AGPAT4: variants seen among roughly 807,000 people sequenced by gnomAD.
AGPAT4 encodes the protein 1-acylglycerol-3-phosphate O-acyltransferase 4.
In AGPAT4, 15 loss-of-function variants were observed where a neutral mutation model predicts 48.0. The ratio of observed to expected loss-of-function variants is 0.31; its 90% CI spans 0.21 to 0.48. AGPAT4 has a LOEUF of 0.48. Ranked by LOEUF, AGPAT4 falls within the 20% of genes least tolerant of loss-of-function variation. The pLI is 0.99. For missense variants in AGPAT4, 314 were observed against 482.5 expected (o/e 0.65, Z 3.27); for synonymous variants, 178 against 198.7 (o/e 0.90, Z 0.88).
rs1207121822 is a variant in AGPAT4, at chr6:161,195,402, T to C, written c.179-28985A>G. Among the ~76,000 whole-genome samples the C allele has an allele frequency of 6.6e-6, 1 of 152,222 alleles. No individual in the cohort carries two copies. Among genetic ancestry groups the C allele is most frequent in the African/African-American group, 2.4e-5 (1 of 41,462 alleles). ...TATAAACACCTTTCATTATATGGCA[T>C]GACCTGCAAGGAATGCTTCCATCAT... On this transcript the variant is annotated intron_variant, in intron 2 of 8. Transcript: ENST00000320285. The surrounding 1 kb of genome is among the most constrained non-coding windows in gnomAD (Gnocchi z 5.0).
chr6:161,224,703 G>A (rs1781925559), intron 2 of AGPAT4, among the ~76,000 whole-genome samples: 1 of 150,866 alleles, frequency 6.6e-6, no homozygotes, highest in African/African-American at 2.4e-5. Context: ...CAGGACAGTA[G>A]CTGCCTTTGC....
intron 2 of AGPAT4, among the ~76,000 whole-genome samples, chr6:161,172,749 T>C (rs909616365): frequency 3.9e-5 from 6 of 152,160 alleles, no homozygotes. Flanking sequence ...ACCCATCAAC[T>C]AGTCATTTAC....
chr6:161,162,551 C>A (rs951705346), intron 3 of AGPAT4, among the ~76,000 whole-genome samples: 1 of 152,198 alleles, frequency 6.6e-6, no homozygotes, highest in South Asian at 2.1e-4. Context: ...AAGCCCCTCC[C>A]GAGAGACCCT....
intron 5 of AGPAT4, among the ~76,000 whole-genome samples, chr6:161,151,494 C>T (rs1014703906): frequency 2.0e-4 from 30 of 152,204 alleles, no homozygotes; most frequent in African/African-American, 6.5e-4. Flanking sequence ...GAGGGGGACA[C>T]GTAGCCCTGC....
intron 2 of AGPAT4, among the ~76,000 whole-genome samples, chr6:161,191,194 C>A (rs184451383): frequency 6.6e-6 from 1 of 152,142 alleles, no homozygotes; most frequent in East Asian, 1.9e-4. Flanking sequence ...ACTTGACAGA[C>A]GAGAACACCA....
In AGPAT4 at chr6:161,138,056, T is replaced by C. The variant is rs960287826; in HGVS notation, c.1042+1366A>G. Among the ~76,000 whole-genome samples the C allele has an allele frequency of 6.6e-6, 1 of 152,174 alleles. No homozygotes were observed. The highest frequency in any genetic ancestry group is 2.4e-5 in the African/African-American group (1 of 41,454). ...TGTGTGCCTTGCTGTTGCCTGCTATTGAAGCAGAAGGGTTGAGCTTGCCCC... is the reference window on the plus strand; with the variant it reads ...TGTGTGCCTTGCTGTTGCCTGCTATCGAAGCAGAAGGGTTGAGCTTGCCCC... On this transcript the variant is annotated intron_variant, in intron 8 of 8. Coordinates refer to ENST00000320285, the MANE Select transcript of AGPAT4 (RefSeq NM_020133.3). This position sits in a 1 kb window ranked among gnomAD's most constrained non-coding sequence, Gnocchi z 4.8.
At chr6:161,191,693 A>T (rs1426385733) in intron 2 of AGPAT4, among the ~76,000 whole-genome samples, 1 of 152,224 alleles carries the variant, frequency 6.6e-6, no homozygotes, top group African/African-American at 2.4e-5. Flanking sequence ...TTGTGGACTG[A>T]CATTTAAAAT....
rs12191615 is a variant in AGPAT4, at chr6:161,144,126, T to C, written c.843+2398A>G. ...GATACAGAAAGGAATTGTCCCTTGA[T>C]GTCTATTCACCACTCTGCTTGGAGA... On this transcript the variant is annotated intron_variant, in intron 7 of 8. Transcript: ENST00000320285. The surrounding 1 kb of genome is among the most constrained non-coding windows in gnomAD (Gnocchi z 6.6). 58,078 of 533,166 alleles carry C rather than the reference T, an allele frequency of 0.11. 3,694 individuals carry two copies. Among genetic ancestry groups the C allele is most frequent in the African/African-American group, 0.21 (10,902 of 51,982 alleles). 33.0% of individuals were successfully genotyped at this position (533,166 alleles called of 1,614,324 possible). A position where few individuals can be genotyped will look rare whatever the true frequency, so the allele number is the denominator to read the frequency against.
At chr6:161,175,134 C>A (rs989156302) in intron 2 of AGPAT4, among the ~76,000 whole-genome samples, 1 of 152,122 alleles carries the variant, frequency 6.6e-6, no homozygotes, top group African/African-American at 2.4e-5. Flanking sequence ...CTCTGCCAGG[C>A]TTTGGTATCA....
chr6:161,184,088 T>C lies in AGPAT4; in HGVS notation c.179-17671A>G, dbSNP rs966460596. The stretch of plus-strand genomic sequence containing the variant: ...CCACAAAGGGATTGGTTTTGCCCAC[T>C]GGTGTACATCCAGTGCCTGGAACTG... On this transcript the variant is annotated intron_variant, in intron 2 of 8. Transcript: ENST00000320285. This position sits in a 1 kb window ranked among gnomAD's most constrained non-coding sequence, Gnocchi z 4.8. Among the ~76,000 whole-genome samples the C allele has an allele frequency of 6.6e-6, 1 of 152,112 alleles. No homozygotes were observed. Among genetic ancestry groups the C allele is most frequent in the Non-Finnish European group, 1.5e-5 (1 of 68,018 alleles).
At chr6:161,199,011 A>G (rs182561993) in intron 2 of AGPAT4, among the ~76,000 whole-genome samples, 2 of 152,216 alleles carry the variant, frequency 1.3e-5, no homozygotes, top group Admixed American at 1.3e-4. Context: ...GGGACAGATT[A>G]CGTATACTAA....
At chr6:161,167,548 C>T (rs532700993) in intron 2 of AGPAT4, among the ~76,000 whole-genome samples, 34 of 152,276 alleles carry the variant, frequency 2.2e-4, no homozygotes, top group African/African-American at 7.7e-4. Context: ...TTTAATCACT[C>T]GTTAGTGAAG....
rs1470674567 is a variant in AGPAT4, at chr6:161,206,995, AAT to A, written c.178+25039_178+25040del. 6.6e-6 allele frequency among the ~76,000 whole-genome samples: 1 copy of A among 152,228 alleles called. No individual in the cohort carries two copies. The highest frequency in any genetic ancestry group is 1.5e-5 in the Non-Finnish European group (1 of 68,046). The stretch of plus-strand genomic sequence containing the variant: ...GGACAACAGAGAAAATAGGCTGAAA[AAT>A]AGTCCTTTCAGTTATCTAATGGAAT... On this transcript the variant is annotated intron_variant, in intron 2 of 8. Coordinates refer to ENST00000320285, the MANE Select transcript of AGPAT4 (RefSeq NM_020133.3). This position sits in a 1 kb window ranked among gnomAD's most constrained non-coding sequence, Gnocchi z 4.8.
At chr6:161,185,679 G>C (rs1448604194) in intron 2 of AGPAT4, among the ~76,000 whole-genome samples, 2 of 151,966 alleles carry the variant, frequency 1.3e-5, no homozygotes, top group Admixed American at 1.3e-4. Context: ...CAAGAAACAA[G>C]TTGCCTCTTC....
In AGPAT4 at chr6:161,178,831, GCTCT is replaced by G. The variant is rs1780503965; in HGVS notation, c.179-12418_179-12415del. Among the ~76,000 whole-genome samples, 1 of 152,184 alleles carries G rather than the reference GCTCT, an allele frequency of 6.6e-6. No homozygotes were observed. The highest frequency in any genetic ancestry group is 2.1e-4 in the South Asian group (1 of 4,828). On this transcript the variant is annotated intron_variant, in intron 2 of 8. Coordinates refer to ENST00000320285, the MANE Select transcript of AGPAT4 (RefSeq NM_020133.3). The surrounding 1 kb of genome is among the most constrained non-coding windows in gnomAD (Gnocchi z 5.1). The stretch of plus-strand genomic sequence containing the variant: ...TTGCAGATGTTGTTTTGACTGTGCT[GCTCT>G]CTGAGGGCTCAGTGAATGCCATCTC...
chr6:161,192,345 TC>T (rs899770763), intron 2 of AGPAT4, among the ~76,000 whole-genome samples: 25 of 152,146 alleles, frequency 1.6e-4, no homozygotes, highest in African/African-American at 4.6e-4. Context: ...GAAACGGGGT[TC>T]CCCCATGTTG....
chr6:161,186,957 T>G (rs548202385), intron 2 of AGPAT4, among the ~76,000 whole-genome samples: 12 of 152,210 alleles, frequency 7.9e-5, no homozygotes, highest in Non-Finnish European at 1.6e-4. Context: ...GTCTCTCTCT[T>G]CAACTCGCCT....
rs1778873317 is a variant in AGPAT4 at position 161,130,702 on chromosome 6, CCTTG to C, written c.*5834_*5837del. 8.5e-6 allele frequency: 3 copies of C among 354,840 alleles called. No individual in the cohort carries two copies. The highest frequency in any genetic ancestry group is 1.7e-5 in the Non-Finnish European group (3 of 173,074). The allele number at this position is 354,840 out of a possible 1,614,324, so 22.0% of individuals were successfully genotyped here. ...GTTGACTGTGGGCGGCCTGGGCCAGCCTTGCTGTGTTTGCCTCAGATGCGAGTAA... is the reference window on the plus strand; with the variant it reads ...GTTGACTGTGGGCGGCCTGGGCCAGCCTGTGTTTGCCTCAGATGCGAGTAA... On this transcript the variant is annotated 3_prime_UTR_variant, in exon 9 of 9. Coordinates refer to ENST00000320285, the MANE Select transcript of AGPAT4 (RefSeq NM_020133.3).
rs1420869426 is a variant in AGPAT4, at chr6:161,142,142, T to C, written c.844-2522A>G. On this transcript the variant is annotated intron_variant, in intron 7 of 8. Transcript: ENST00000320285. The surrounding 1 kb of genome is among the most constrained non-coding windows in gnomAD (Gnocchi z 6.4). ...GTGTTGGGATTACAGGCGTGAGCCA[T>C]TGCGCCCAGCCCCATTCACTTTAAA... is the stretch of plus-strand genomic sequence containing the variant. Among the ~76,000 whole-genome samples the C allele has an allele frequency of 1.3e-5, 2 of 152,212 alleles. No homozygotes were observed. Among genetic ancestry groups the C allele is most frequent in the African/African-American group, 4.8e-5 (2 of 41,452 alleles).
Sources: allele counts gnomAD v4.1 joint callset (sites outside exome capture counted in the v4.1 genomes callset), GRCh38; gene constraint gnomAD v4.1.1; non-coding constraint Gnocchi (gnomAD v3.1); transcripts MANE v1.5; gene names NCBI Gene and HGNC (gene_info 2026-07-23, HGNC 2026-07-21).